RPAP3: variants seen among roughly 807,000 people sequenced by gnomAD.
RPAP3 encodes RNA polymerase II-associated protein 3.
In RPAP3, 58 loss-of-function variants were observed where a neutral mutation model predicts 88.8. The observed-to-expected ratio is 0.65, with a 90% confidence interval of 0.53 to 0.81. RPAP3 has a LOEUF of 0.81. RPAP3 is among the 40% of genes least tolerant of loss of function. The probability of loss-of-function intolerance (pLI) is 0.00; values close to 1 mark genes in which losing one functional copy is unlikely to be tolerated. For synonymous variants in RPAP3, 255 were observed against 259.9 expected (o/e 0.98, Z 0.18); for missense variants, 751 against 764.3 (o/e 0.98, Z 0.20).
At chr12:47,667,953 G>C in intron 14 of RPAP3, 102 bp from the exon 15 acceptor site, 2 of 712,988 alleles carry the variant, frequency 2.8e-6, no homozygotes, top group South Asian at 4.1e-5. Context: ...TAACTACTTT[G>C]GGAGGCCAAG....
chr12:47,686,664 G>T, intron 9 of RPAP3, 116 bp downstream of exon 9: 2 of 677,880 alleles, frequency 3.0e-6, no homozygotes, highest in Non-Finnish European at 2.3e-6. Context: ...CCATAAATTG[G>T]CATGTGAGCT....
At chr12:47,697,764 G>C (rs762048346) in intron 3 of RPAP3, 45 bp from the exon 4 acceptor site, 1 of 1,521,162 alleles carries the variant, frequency 6.6e-7, no homozygotes, top group Non-Finnish European at 8.8e-7. Flanking sequence ...TATATGATTA[G>C]GAAAAAAAAG....
chr12:47,663,520 T>C lies in RPAP3; in HGVS notation c.1983A>G (p.Lys661=). ...AAAATGGAAATCAACCACCGTATCT[T>C]TTCTTGAGTTCTTCGACAGAACTAT... The part of the protein sequence containing the change: ...LKDSSVEELK[K]RYGG The change falls in exon 17 of 17, where the codon AAA becomes AAG. Residue 661 remains lysine (K), a synonymous_variant. Transcript: ENST00000005386. 3 of 1,589,638 alleles carry C rather than the reference T, an allele frequency of 1.9e-6. No homozygotes were observed. The highest frequency in any genetic ancestry group is 1.4e-5 in the African/African-American group (1 of 74,040).
intron 12 of RPAP3, among the ~76,000 whole-genome samples, chr12:47,672,305 T>C (rs1316975261): frequency 1.3e-5 from 2 of 152,188 alleles, no homozygotes; most frequent in Non-Finnish European, 2.9e-5. Flanking sequence ...TCAATAATCC[T>C]GAGACTCATT....
intron 5 of RPAP3, among the ~76,000 whole-genome samples, chr12:47,691,291 C>T (rs1939422683): frequency 6.6e-6 from 1 of 152,160 alleles, no homozygotes; most frequent in Admixed American, 6.5e-5. Flanking sequence ...ACTTTCTTTG[C>T]TCATCCATAA....
chr12:47,697,735 G>A lies in RPAP3; in HGVS notation c.295-16C>T, dbSNP rs189050131. 9 of 1,570,280 alleles carry A rather than the reference G, an allele frequency of 5.7e-6. No individual in the cohort carries two copies. Among genetic ancestry groups the A allele is most frequent in the East Asian group, 4.6e-5 (2 of 43,748 alleles). On this transcript the variant is annotated splice_polypyrimidine_tract_variant and intron_variant, in intron 3 of 16. Coordinates refer to ENST00000005386, the MANE Select transcript of RPAP3 (RefSeq NM_024604.3). ...GGATACGGTCCTAAAATCAAAAGAC[G>A]GAAAACAGGGGTCATAATTATATGA...
chr12:47,670,019 A>T (rs1401460205), intron 13 of RPAP3, 88 bp downstream of exon 13: 1 of 828,444 alleles, frequency 1.2e-6, no homozygotes, highest in Non-Finnish European at 2.0e-6. Context: ...TAGCATGATG[A>T]GTACAAATCA....
chr12:47,694,969 C>T (rs1362935292), intron 5 of RPAP3, among the ~76,000 whole-genome samples: 3 of 152,152 alleles, frequency 2.0e-5, no homozygotes, highest in Admixed American at 1.3e-4. Flanking sequence ...TAACAACAAA[C>T]TACCTTTGCC....
At position 47,686,765 on chromosome 12, in the gene RPAP3, G is replaced by GT. The variant is rs1939332648; in HGVS notation, c.992+14dup. 3.3e-6 allele frequency: 5 copies of GT among 1,505,498 alleles called. No homozygotes were observed. Among genetic ancestry groups the GT allele is most frequent in the Non-Finnish European group, 4.4e-6 (5 of 1,126,142 alleles). The allele number at this position is 1,505,498 out of a possible 1,614,324, so 93.3% of individuals were successfully genotyped here. A position where few individuals can be genotyped will look rare whatever the true frequency, so the allele number is the denominator to read the frequency against. On this transcript the variant is annotated intron_variant, in intron 9 of 16. Transcript: ENST00000005386. ...TTTTTATCCTGAACAGCACTAAAAT[G>GT]TAACCAATACTTACTTCTGAATCTT...
chr12:47,678,888 C>T (rs1258694033), intron 12 of RPAP3, among the ~76,000 whole-genome samples: 2 of 152,180 alleles, frequency 1.3e-5, no homozygotes, highest in Non-Finnish European at 2.9e-5. Flanking sequence ...ACCCAGCAAT[C>T]CCATTACTGG....
At chr12:47,680,195 A>G (rs1939196385) in intron 10 of RPAP3, among the ~76,000 whole-genome samples, 1 of 152,238 alleles carries the variant, frequency 6.6e-6, no homozygotes, top group Admixed American at 6.6e-5. Context: ...TTAAATAAGC[A>G]GAGGCAAAAG....
In RPAP3 at chr12:47,661,315, C is replaced by T. The variant is rs1938756166; in HGVS notation, c.*2190G>A. 6.6e-6 allele frequency: 1 copy of T among 152,072 alleles called. No individual in the cohort carries two copies. Among genetic ancestry groups the T allele is most frequent in the South Asian group, 2.1e-4 (1 of 4,826 alleles). The allele number at this position is 152,072 out of a possible 1,614,324, so 9.4% of individuals were successfully genotyped here. ...TTGCAATAAGGCAACAATATGACAGCCCCTAAAGACTGTTCTTTATTCTAA... is the reference window on the plus strand; with the variant it reads ...TTGCAATAAGGCAACAATATGACAGTCCCTAAAGACTGTTCTTTATTCTAA... On this transcript the variant is annotated 3_prime_UTR_variant, in exon 17 of 17. Coordinates refer to ENST00000005386, the MANE Select transcript of RPAP3 (RefSeq NM_024604.3).
chr12:47,680,943 T>C (rs1376026104), intron 10 of RPAP3, among the ~76,000 whole-genome samples: 1 of 144,832 alleles, frequency 6.9e-6, no homozygotes, highest in Non-Finnish European at 1.5e-5. Context: ...CTCTGCTTAC[T>C]GGGATTCAAA....
intron 16 of RPAP3, among the ~76,000 whole-genome samples, chr12:47,666,553 G>A (rs1938876947): frequency 6.6e-6 from 1 of 152,162 alleles, no homozygotes; most frequent in African/African-American, 2.4e-5. Context: ...ACATGGTCCT[G>A]TGGCTTTGAT....
intron 3 of RPAP3, among the ~76,000 whole-genome samples, chr12:47,698,869 C>A (rs923502169): frequency 2.0e-5 from 3 of 152,010 alleles, no homozygotes; most frequent in Non-Finnish European, 2.9e-5. Flanking sequence ...AAACAAAATT[C>A]TTTTTGCATT....
chr12:47,676,379 C>T (rs948147431), intron 12 of RPAP3, among the ~76,000 whole-genome samples: 4 of 151,912 alleles, frequency 2.6e-5, no homozygotes, highest in African/African-American at 7.3e-5. Context: ...TAGCAGAAGG[C>T]AAGAAGTAAC....
intron 5 of RPAP3, among the ~76,000 whole-genome samples, chr12:47,693,895 C>G (rs1939474816): frequency 6.6e-6 from 1 of 152,162 alleles, no homozygotes; most frequent in South Asian, 2.1e-4. Flanking sequence ...CTACCAAACA[C>G]AGATGCAAAA....
chr12:47,688,022 C>T, intron 7 of RPAP3, 21 bp from the exon 8 acceptor site: 1 of 1,587,438 alleles, frequency 6.3e-7, no homozygotes, highest in African/African-American at 1.4e-5. Flanking sequence ...TAGCAGTCAG[C>T]TAAAATAAAA....
At position 47,661,672 on chromosome 12, in the gene RPAP3, A is replaced by T. The variant is rs1938762159; in HGVS notation, c.*1833T>A. 1 of 152,206 alleles carries T rather than the reference A, an allele frequency of 6.6e-6. No individual in the cohort carries two copies. Among genetic ancestry groups the T allele is most frequent in the Non-Finnish European group, 1.5e-5 (1 of 68,032 alleles). 9.4% of individuals were successfully genotyped at this position (152,206 alleles called of 1,614,324 possible). A position where few individuals can be genotyped will look rare whatever the true frequency, so the allele number is the denominator to read the frequency against. On this transcript the variant is annotated 3_prime_UTR_variant, in exon 17 of 17. Transcript: ENST00000005386. ...TGTGATCTGTACTTCTTCAGTTAAC[A>T]GTCTCTACACAGGTAACACAACATA...
Sources: gnomAD v4.1 joint callset for allele counts (sites outside exome capture counted in the v4.1 genomes callset) on GRCh38, gnomAD v4.1.1 for gene constraint, MANE v1.5 for transcripts, NCBI Gene and HGNC (gene_info 2026-07-23, HGNC 2026-07-21) for gene names.